CEP104: variants seen among roughly 807,000 people sequenced by gnomAD.
The protein encoded by CEP104 is centrosomal protein 104.
CEP104 carries 84 observed loss-of-function variants against 113.3 expected under a neutral mutation model. That is an observed-to-expected ratio of 0.74 (90% CI 0.62 to 0.89). The LOEUF (loss-of-function observed/expected upper bound fraction) is 0.89. Ranked by LOEUF, CEP104 falls within the 40% of genes least tolerant of loss-of-function variation. The pLI is 0.00. For missense variants in CEP104, 1,053 were observed against 1,156.6 expected (o/e 0.91, Z 1.30); for synonymous variants, 378 against 421.7 (o/e 0.90, Z 1.27).
rs1038667207 is a variant in CEP104 at position 3,847,691 on chromosome 1, T to C, written c.288-78A>G. The C allele has an allele frequency of 7.8e-5, 109 of 1,405,980 alleles. 1 individual carries two copies. In the South Asian group the frequency reaches 9.9e-4, roughly 13 times the overall value. The allele number at this position is 1,405,980 out of a possible 1,614,324, so 87.1% of individuals were successfully genotyped here. A position where few individuals can be genotyped will look rare whatever the true frequency, so the allele number is the denominator to read the frequency against. ...TGCTCCCTACTCTGATTGAACTCAATAGGCTCATTTATGTTTATTGTTTTA... is the reference window on the plus strand; with the variant it reads ...TGCTCCCTACTCTGATTGAACTCAACAGGCTCATTTATGTTTATTGTTTTA... On this transcript the variant is annotated intron_variant, in intron 3 of 21. Transcript: ENST00000378230.
At chr1:3,832,798 G>A (rs1184885133) in intron 12 of CEP104, among the ~76,000 whole-genome samples, 4 of 151,738 alleles carry the variant, frequency 2.6e-5, no homozygotes. Flanking sequence ...CTCTCGCCTC[G>A]GCCTTCCAAG....
intron 9 of CEP104, 174 bp downstream of exon 9, chr1:3,837,118 A>T: frequency 1.7e-6 from 1 of 602,928 alleles, no homozygotes; most frequent in Non-Finnish European, 2.9e-6. Context: ...CATTAGGCCT[A>T]TTCCTTATGT....
chr1:3,836,549 G>C lies in CEP104; in HGVS notation c.1263C>G (p.Thr421=). ...GGMLGEPEPL[T]EKALREASSA... ...AGCTGGCTTCTCTCAAGGCCTTCTC[G>C]GTTAAGGGCTCTGGCTCCCCTAACA... The change falls in exon 10 of 22, where the codon ACC becomes ACG. Residue 421 remains threonine (T), a synonymous_variant. Coordinates refer to ENST00000378230, the MANE Select transcript of CEP104 (RefSeq NM_014704.4). 1.9e-6 allele frequency: 3 copies of C among 1,599,516 alleles called. No individual in the cohort carries two copies. The highest frequency in any genetic ancestry group is 1.7e-6 in the Non-Finnish European group (2 of 1,177,078).
Position 3,816,363 on chromosome 1 carries a change from T to C in CEP104, c.2579A>G (p.Lys860Arg). The change falls in exon 21 of 22, where the codon AAA becomes AGA. Residue 860 changes from lysine to arginine, a missense_variant. Transcript: ENST00000378230. ...GCCGGCTGGGCCCATCAGGTGAGCTTTCCATGCCTGCAGCAGAGGAGGCAC... is the reference window on the plus strand; with the variant it reads ...GCCGGCTGGGCCCATCAGGTGAGCTCTCCATGCCTGCAGCAGAGGAGGCAC... ...ENFSPGEEAW[K>R]AHLMGPAGCT... 1 of 1,551,542 alleles carries C rather than the reference T, an allele frequency of 6.4e-7. No individual in the cohort carries two copies. The highest frequency in any genetic ancestry group is 8.7e-7 in the Non-Finnish European group (1 of 1,147,202).
At chr1:3,820,683 G>A (rs1288206496) in intron 20 of CEP104, among the ~76,000 whole-genome samples, 2 of 152,200 alleles carry the variant, frequency 1.3e-5, no homozygotes, top group African/African-American at 4.8e-5. Flanking sequence ...GGCACTGCTA[G>A]CCAGGGCTCA....
chr1:3,856,092 T>C, intron 1 of CEP104: 1 of 312,342 alleles, frequency 3.2e-6, no homozygotes, highest in Non-Finnish European at 4.7e-6. Context: ...ACAAAACTTG[T>C]CTCTGATTTT....
intron 1 of CEP104, among the ~76,000 whole-genome samples, chr1:3,854,172 T>C (rs4582731): frequency 0.33 from 49,784 of 152,056 alleles, 9,697 homozygotes; most frequent in Admixed American, 0.45. Context: ...TTATCAGGCC[T>C]GCCCTTCCTT....
At position 3,815,168 on chromosome 1, in the gene CEP104, C is replaced by T; in HGVS notation, c.*234G>A. On this transcript the variant is annotated 3_prime_UTR_variant, in exon 22 of 22. Transcript: ENST00000378230. ...GGAAGGCCTGAGACAGCCCTGAAGG[C>T]TTAATGTACAGTGCGGCCAGGTCCT... The T allele has an allele frequency of 1.9e-6, 1 of 540,034 alleles. No homozygotes were observed. Among genetic ancestry groups the T allele is most frequent in the Non-Finnish European group, 3.3e-6 (1 of 301,060 alleles). 33.5% of individuals were successfully genotyped at this position (540,034 alleles called of 1,614,324 possible).
intron 12 of CEP104, 47 bp downstream of exon 12, chr1:3,833,815 A>AAT: frequency 9.5e-6 from 15 of 1,576,796 alleles, no homozygotes; most frequent in Non-Finnish European, 1.3e-5. Context: ...GAGCTACAGG[A>AAT]ATATGTTTAT....
In CEP104 at chr1:3,847,415, C is replaced by G. The variant is rs1207643402; in HGVS notation, c.426+60G>C. On this transcript the variant is annotated intron_variant, in intron 4 of 21. Coordinates refer to ENST00000378230, the MANE Select transcript of CEP104 (RefSeq NM_014704.4). ...AATGCATCTAAGAAAAGATACGTGA[C>G]CACATAATCCCACAAAGAAGGTAGG... The G allele has an allele frequency of 9.6e-6, 14 of 1,451,666 alleles. No homozygotes were observed. The East Asian group carries it at 3.2e-4, about 33-fold the overall frequency. The allele number at this position is 1,451,666 out of a possible 1,614,324, so 89.9% of individuals were successfully genotyped here.
At chr1:3,830,106 C>A in intron 13 of CEP104, 109 bp from the exon 14 acceptor site, 2 of 767,724 alleles carry the variant, frequency 2.6e-6, no homozygotes. Flanking sequence ...AGAAAACATC[C>A]GTATTAAGTA....
At position 3,837,348 on chromosome 1, in the gene CEP104, G is replaced by C. The variant is rs1644334221; in HGVS notation, c.1063C>G (p.Gln355Glu). The C allele has an allele frequency of 1.2e-6, 2 of 1,614,152 alleles. No individual in the cohort carries two copies. The highest frequency in any genetic ancestry group is 1.7e-6 in the Non-Finnish European group (2 of 1,179,988). Residue 355 changes from glutamine (Q) to glutamate (E), a missense_variant, in exon 9 of 22, where the codon CAG (glutamine) becomes GAG (glutamate). By Grantham distance (29) the Gln-to-Glu change is conservative. Coordinates refer to ENST00000378230, the MANE Select transcript of CEP104 (RefSeq NM_014704.4). Reference sequence around the variant, plus strand: ...AGTAACGGGTCTACTGCAGAATGCTGAGGAGAAATAGTTAGAGAATATGAT... The same window carrying C: ...AGTAACGGGTCTACTGCAGAATGCTCAGGAGAAATAGTTAGAGAATATGAT... Reference protein sequence around the residue: ...PSSYSLTISPQHSAVDPLLPA... With the variant: ...PSSYSLTISPEHSAVDPLLPA...
intron 20 of CEP104, chr1:3,822,906 A>G (rs909005264): frequency 6.2e-5 from 27 of 432,848 alleles, no homozygotes; most frequent in Non-Finnish European, 1.1e-4. Context: ...AAACCATTTC[A>G]TGCTGTATCC....
rs1643819758 is a variant in CEP104, at chr1:3,812,952, C to G, written c.*2450G>C. 1 of 152,010 alleles carries G rather than the reference C, an allele frequency of 6.6e-6. No homozygotes were observed. Among genetic ancestry groups the G allele is most frequent in the Admixed American group, 6.6e-5 (1 of 15,260 alleles). The allele number at this position is 152,010 out of a possible 1,614,324, so 9.4% of individuals were successfully genotyped here. On this transcript the variant is annotated 3_prime_UTR_variant, in exon 22 of 22. Coordinates refer to ENST00000378230, the MANE Select transcript of CEP104 (RefSeq NM_014704.4). ...AATGAACCCGTTTGCTTGTCAATCACTAAAAATGAAGTCTTTTTATAAGTA... is the reference window on the plus strand; with the variant it reads ...AATGAACCCGTTTGCTTGTCAATCAGTAAAAATGAAGTCTTTTTATAAGTA...
Position 3,854,941 on chromosome 1 carries a change from G to A in CEP104, c.-15+1948C>T, listed in dbSNP as rs536539680. On this transcript the variant is annotated intron_variant, in intron 1 of 21. Transcript: ENST00000378230. The stretch of plus-strand genomic sequence containing the variant: ...GGCTGGAGTGCAGTGGCGTGATCGC[G>A]GCTCACTGCGACCTCTGCCTCCTGG... Among the ~76,000 whole-genome samples the A allele has an allele frequency of 8.1e-5, 12 of 148,252 alleles. No homozygotes were observed. In the East Asian group the frequency reaches 1.4e-3, roughly 17 times the overall value.
chr1:3,852,452 A>C, intron 1 of CEP104, 31 bp from the exon 2 acceptor site: 1 of 1,584,454 alleles, frequency 6.3e-7, no homozygotes, highest in Non-Finnish European at 8.6e-7. Flanking sequence ...AACTTCTTTA[A>C]AACAAAGGAA....
chr1:3,850,795 G>A (rs1046324657), intron 2 of CEP104, among the ~76,000 whole-genome samples: 3 of 152,206 alleles, frequency 2.0e-5, no homozygotes, highest in Non-Finnish European at 4.4e-5. Flanking sequence ...CTGAAAGCAC[G>A]TTACTGAAGT....
rs1122613 is a variant in CEP104, at chr1:3,852,001, G to A, written c.113+294C>T. On this transcript the variant is annotated intron_variant, in intron 2 of 21. Coordinates refer to ENST00000378230, the MANE Select transcript of CEP104 (RefSeq NM_014704.4). ...ACTTGATGAGAATGTGCAGCCCAGC[G>A]TGTGATCAGGGAGTATGGTTAGACA... 0.37 allele frequency among the ~76,000 whole-genome samples: 55,959 copies of A among 152,078 alleles called. 12,499 individuals are homozygous for A. The highest frequency in any genetic ancestry group is 0.64 in the African/African-American group (26,442 of 41,466).
intron 15 of CEP104, among the ~76,000 whole-genome samples, chr1:3,827,614 G>A (rs1269157709): frequency 1.3e-5 from 2 of 152,222 alleles, no homozygotes; most frequent in African/African-American, 4.8e-5. Context: ...CAATGTGAGA[G>A]CACTCCATGC....
Sources: gnomAD v4.1 joint callset for allele counts (sites outside exome capture counted in the v4.1 genomes callset) on GRCh38, gnomAD v4.1.1 for gene constraint, MANE v1.5 for transcripts, NCBI Gene and HGNC (gene_info 2026-07-23, HGNC 2026-07-21) for gene names.